Variants in TRDN observed in about 807,000 individuals in gnomAD.
TRDN encodes the protein triadin in skeletal muscle.
A neutral mutation model predicts 149.7 loss-of-function variants in TRDN; 161 were observed. The ratio of observed to expected loss-of-function variants is 1.08; its 90% confidence interval spans 0.95 to 1.23. The LOEUF (loss-of-function observed/expected upper bound fraction) is 1.23, where lower values mean the gene tolerates loss of function less well. Among genes scored for constraint, TRDN ranks in the 50% most tolerant of loss-of-function variants. TRDN has a pLI of 0.00. For synonymous variants in TRDN, 294 were observed against 250.5 expected, an observed-to-expected ratio of 1.17 and a Z score of -1.64; for missense variants, 896 against 823.5, an observed-to-expected ratio of 1.09 and a Z score of -1.08.
At chr6:123,382,043 A>G in intron 15 of TRDN, 75 bp downstream of exon 15, 4 of 1,134,740 alleles carry the variant, frequency 3.5e-6, no homozygotes, top group East Asian at 6.2e-5. Flanking sequence ...TTTCTTCTAC[A>G]TCAATCCTTT....
Position 123,269,832 on chromosome 6 carries a change from T to C in TRDN, c.1738+17A>G, listed in dbSNP as rs774664172. The C allele has an allele frequency of 6.2e-6, 10 of 1,609,646 alleles. 1 individual carries two copies. The East Asian group carries it at 2.0e-4, about 32-fold the overall frequency. On this transcript the variant is annotated intron_variant, in intron 31 of 40. Transcript: ENST00000334268. ...GTCAAGCGATATTTCTCAGGTGTTA[T>C]TCTATTCATCTCTTACTTGTTGGTT...
chr6:123,480,631 C>T (rs1777707876), intron 9 of TRDN, among the ~76,000 whole-genome samples: 1 of 151,852 alleles, frequency 6.6e-6, no homozygotes, highest in Non-Finnish European at 1.5e-5. Flanking sequence ...AAAATCGAGT[C>T]ACATTTAATT....
rs570447947 is a variant in TRDN, at chr6:123,558,825, G to T, written c.233-10213C>A. On this transcript the variant is annotated intron_variant, in intron 2 of 40. Coordinates refer to ENST00000334268, the MANE Select transcript of TRDN (RefSeq NM_006073.4). ...TGCCTCCACTGTGAGACAAACCCCA[G>T]CCACATCTCCAGCACACAAGAACTC... Among the ~76,000 whole-genome samples, 6 of 152,304 alleles carry T rather than the reference G, an allele frequency of 3.9e-5. No homozygotes were observed. The East Asian group carries it at 1.2e-3, about 29-fold the overall frequency.
chr6:123,442,713 C>G lies in TRDN; in HGVS notation c.932-3710G>C, dbSNP rs528583121. On this transcript the variant is annotated intron_variant, in intron 10 of 40. Transcript: ENST00000334268. ...TAATAAAAATCTGACCACATATAAT[C>G]TTTTTAGGTAATTTTTTAGGTGTGA... Among the ~76,000 whole-genome samples the G allele has an allele frequency of 5.3e-5, 8 of 152,136 alleles. No homozygotes were observed. The South Asian group carries it at 1.7e-3, about 32-fold the overall frequency.
chr6:123,311,059 T>C (rs1387677694), intron 24 of TRDN, among the ~76,000 whole-genome samples: 1 of 151,956 alleles, frequency 6.6e-6, no homozygotes, highest in Admixed American at 6.6e-5. Flanking sequence ...TATTAGTCTG[T>C]TTCATACTGC....
chr6:123,567,641 C>T (rs749417862), intron 2 of TRDN, among the ~76,000 whole-genome samples: 28 of 150,894 alleles, frequency 1.9e-4, no homozygotes, highest in South Asian at 4.2e-4. Flanking sequence ...GAGTGGGGGG[C>T]GGGGGAGGTG....
intron 24 of TRDN, among the ~76,000 whole-genome samples, chr6:123,304,594 C>T (rs1778543415): frequency 6.6e-6 from 1 of 152,032 alleles, no homozygotes; most frequent in Admixed American, 6.6e-5. Flanking sequence ...TTGCATATTA[C>T]TTATGCAAGT....
In TRDN at chr6:123,253,517, ACT is replaced by A. The variant is rs944393327; in HGVS notation, c.1952-1084_1952-1083del. Among the ~76,000 whole-genome samples the A allele has an allele frequency of 3.9e-5, 6 of 152,030 alleles. No homozygotes were observed. The East Asian group carries it at 9.6e-4, about 24-fold the overall frequency. ...AATTATGAAATAAATAATTTGGAAA[ACT>A]CTTTCACTAAGACTAACATGTTATT... On this transcript the variant is annotated intron_variant, in intron 37 of 40. Transcript: ENST00000334268.
At chr6:123,299,563 G>A (rs1011502769) in intron 24 of TRDN, among the ~76,000 whole-genome samples, 4 of 151,980 alleles carry the variant, frequency 2.6e-5, no homozygotes, top group Non-Finnish European at 5.9e-5. Flanking sequence ...AAGGGAAGAC[G>A]TCATACAGGT....
chr6:123,500,906 A>G (rs542534533), intron 8 of TRDN, among the ~76,000 whole-genome samples: 1 of 152,310 alleles, frequency 6.6e-6, no homozygotes, highest in East Asian at 1.9e-4. Context: ...TGAGTGAAGG[A>G]GCAAAGTGTG....
At chr6:123,386,618 A>G (rs115837389) in intron 14 of TRDN, among the ~76,000 whole-genome samples, 1,802 of 152,296 alleles carry the variant, frequency 0.012, 35 homozygotes, top group African/African-American at 0.041. Flanking sequence ...CACCTCCCAC[A>G]TGGCTCCCTA....
intron 10 of TRDN, among the ~76,000 whole-genome samples, chr6:123,441,695 G>A (rs1774898384): frequency 1.3e-5 from 2 of 152,158 alleles, no homozygotes; most frequent in Admixed American, 1.3e-4. Context: ...GCTTTTAAAT[G>A]TTTTTTATGC....
At chr6:123,392,660 T>C (rs1251966533) in intron 13 of TRDN, among the ~76,000 whole-genome samples, 1 of 152,036 alleles carries the variant, frequency 6.6e-6, no homozygotes, top group East Asian at 1.9e-4. Context: ...TAAAAACTGG[T>C]ATCATAGCTT....
chr6:123,312,913 T>A (rs1398844592), intron 24 of TRDN, among the ~76,000 whole-genome samples: 1 of 152,008 alleles, frequency 6.6e-6, no homozygotes, highest in Non-Finnish European at 1.5e-5. Context: ...ACTCTGGACA[T>A]ATGGTAGTGA....
At chr6:123,389,385 T>G (rs1405276928) in intron 13 of TRDN, 1 of 152,146 alleles carries the variant, frequency 6.6e-6, no homozygotes, top group Non-Finnish European at 1.5e-5. Flanking sequence ...GATAGAATGT[T>G]GGGGATCACT....
chr6:123,568,587 G>T (rs1460122730), intron 2 of TRDN, among the ~76,000 whole-genome samples: 3 of 152,212 alleles, frequency 2.0e-5, no homozygotes, highest in African/African-American at 7.2e-5. Context: ...ACTCTGCATG[G>T]CTGCAGGCTT....
At chr6:123,624,301 G>A (rs1331407511) in intron 1 of TRDN, among the ~76,000 whole-genome samples, 1 of 152,112 alleles carries the variant, frequency 6.6e-6, no homozygotes, top group Non-Finnish European at 1.5e-5. Context: ...TACCACGATA[G>A]TATAGCACAT....
chr6:123,351,911 T>C lies in TRDN; in HGVS notation c.1369+628A>G, dbSNP rs1780475620. On this transcript the variant is annotated intron_variant, in intron 21 of 40. Coordinates refer to ENST00000334268, the MANE Select transcript of TRDN (RefSeq NM_006073.4). ...CACTTTAAATGTTTTAAGTTTAGTG[T>C]ACTGTAGCATTTTTCTCAAGCAGAG... 4.1e-6 allele frequency: 4 copies of C among 984,768 alleles called. No individual in the cohort carries two copies. The South Asian group carries it at 1.9e-4, about 46-fold the overall frequency. 61.0% of individuals were successfully genotyped at this position (984,768 alleles called of 1,614,324 possible). A position where few individuals can be genotyped will look rare whatever the true frequency, so the allele number is the denominator to read the frequency against.
intron 12 of TRDN, chr6:123,418,690 A>G (rs1424840136): frequency 2.0e-5 from 3 of 151,950 alleles, no homozygotes; most frequent in African/African-American, 4.8e-5. Flanking sequence ...CCCAACCCCA[A>G]CATAAAGCCA....
Sources: gnomAD v4.1 joint callset for allele counts (sites outside exome capture counted in the v4.1 genomes callset) on GRCh38, gnomAD v4.1.1 for gene constraint, MANE v1.5 for transcripts, NCBI Gene and HGNC (gene_info 2026-07-23, HGNC 2026-07-21) for gene names.